The following PID1 variants were observed in gnomAD, a reference collection of about 807,000 sequenced individuals.
PID1 encodes the protein phosphotyrosine interaction domain containing 1.
In PID1, 10 loss-of-function variants were observed where a neutral mutation model predicts 19.1. The ratio of observed to expected loss-of-function variants is 0.52; its 90% confidence interval spans 0.32 to 0.89. The LOEUF (loss-of-function observed/expected upper bound fraction) is 0.89. PID1 is among the 40% of genes least tolerant of loss of function. PID1 has a pLI of 0.03. For synonymous variants in PID1, 130 were observed against 116.0 expected (o/e 1.12, Z -0.78); for missense variants, 248 against 285.3 (o/e 0.87, Z 0.94).
chr2:229,140,634 T>C (rs7565582), intron 2 of PID1, among the ~76,000 whole-genome samples: 66,590 of 151,868 alleles, frequency 0.44, 15,043 homozygotes, highest in South Asian at 0.57. Context: ...CTATCAAAGC[T>C]ATGTGAAATT....
At chr2:229,167,147 A>G (rs1028024917) in intron 1 of PID1, among the ~76,000 whole-genome samples, 1 of 152,142 alleles carries the variant, frequency 6.6e-6, no homozygotes, top group Admixed American at 6.5e-5. Context: ...GAAATTATCA[A>G]AATCTAAAGT....
Position 229,115,572 on chromosome 2 carries a change from C to A in PID1, c.177+40246G>T, listed in dbSNP as rs143827509. Among the ~76,000 whole-genome samples, 959 of 152,250 alleles carry A rather than the reference C, an allele frequency of 6.3e-3. 14 individuals are homozygous for A. Among genetic ancestry groups the A allele is most frequent in the African/African-American group, 0.022 (908 of 41,556 alleles). On this transcript the variant is annotated intron_variant, in intron 2 of 2. Coordinates refer to ENST00000392055, the MANE Select transcript of PID1 (RefSeq NM_001100818.2). ...GAGGAAACACATGGTTTGAATCCCT[C>A]AAGTAGTATTATTTCCTAACCTGTG...
chr2:229,072,951 C>A (rs768281256), intron 2 of PID1, among the ~76,000 whole-genome samples: 1 of 152,196 alleles, frequency 6.6e-6, no homozygotes, highest in Non-Finnish European at 1.5e-5. Flanking sequence ...GATGAACAAA[C>A]CTACTCAGCA....
chr2:229,201,966 C>T (rs994708428), intron 1 of PID1, among the ~76,000 whole-genome samples: 2 of 152,048 alleles, frequency 1.3e-5, no homozygotes, highest in African/African-American at 2.4e-5. Flanking sequence ...AGCCACATTC[C>T]TATGGCTCCC....
At chr2:229,031,170 C>T (rs1325761423) in intron 2 of PID1, among the ~76,000 whole-genome samples, 12 of 138,064 alleles carry the variant, frequency 8.7e-5, no homozygotes, top group Admixed American at 3.1e-4. Context: ...GAGCTGAGAT[C>T]GTGCTACTGC....
rs886489591 is a variant in PID1, at chr2:229,202,315, G to A, written c.31-46351C>T. 8.2e-4 allele frequency among the ~76,000 whole-genome samples: 124 copies of A among 152,144 alleles called. 1 individual carries two copies. Among genetic ancestry groups the A allele is most frequent in the Non-Finnish European group, 1.5e-3 (104 of 67,960 alleles). ...AAGCTATGAATCCAGGGCGGGCATC[G>A]ATTTGCCTTTTATTCACTCCTCTCA... is the stretch of plus-strand genomic sequence containing the variant. On this transcript the variant is annotated intron_variant, in intron 1 of 2. Transcript: ENST00000392055.
chr2:229,090,658 A>G (rs1156451393), intron 2 of PID1, among the ~76,000 whole-genome samples: 1 of 152,222 alleles, frequency 6.6e-6, no homozygotes, highest in Non-Finnish European at 1.5e-5. Flanking sequence ...GTTTTCTGTA[A>G]CAAATCCTAG....
At chr2:229,206,655 A>G (rs928643911) in intron 1 of PID1, among the ~76,000 whole-genome samples, 3 of 152,186 alleles carry the variant, frequency 2.0e-5, no homozygotes, top group Non-Finnish European at 2.9e-5. Context: ...ACTCCACGAA[A>G]GCGACCAACT....
intron 2 of PID1, among the ~76,000 whole-genome samples, chr2:229,044,869 A>C (rs148377345): frequency 1.4e-3 from 210 of 152,350 alleles, no homozygotes; most frequent in African/African-American, 4.8e-3. Context: ...CTAACGAATA[A>C]AAAATAAATT....
At chr2:229,165,762 G>A (rs1292749661) in intron 1 of PID1, among the ~76,000 whole-genome samples, 5 of 152,012 alleles carry the variant, frequency 3.3e-5, no homozygotes, top group East Asian at 1.9e-4. Context: ...AGTGCAATAA[G>A]GCAATAAAAA....
rs554043850 is a variant in PID1 at position 229,165,956 on chromosome 2, T to C, written c.31-9992A>G. The stretch of plus-strand genomic sequence containing the variant: ...ATCAATATACAAAATTCTATTGTTT[T>C]CTATTGTCTAGCAATGAAAAATTAG... On this transcript the variant is annotated intron_variant, in intron 1 of 2. Transcript: ENST00000392055. Among the ~76,000 whole-genome samples the C allele has an allele frequency of 2.6e-5, 4 of 152,340 alleles. No individual in the cohort carries two copies. In the South Asian group the frequency reaches 8.3e-4, roughly 32 times the overall value.
intron 2 of PID1, among the ~76,000 whole-genome samples, chr2:229,147,093 G>A (rs1452783344): frequency 6.6e-6 from 1 of 152,186 alleles, no homozygotes; most frequent in East Asian, 1.9e-4. Flanking sequence ...ATGTGTTTGA[G>A]TAGGTTTACA....
intron 1 of PID1, among the ~76,000 whole-genome samples, chr2:229,188,725 G>C (rs1428405600): frequency 4.6e-5 from 5 of 109,174 alleles, no homozygotes. Context: ...GGCAACAAGA[G>C]CGAAACTCCA....
At chr2:229,175,344 C>T (rs1447802274) in intron 1 of PID1, among the ~76,000 whole-genome samples, 6 of 152,146 alleles carry the variant, frequency 3.9e-5, no homozygotes, top group African/African-American at 1.4e-4. Flanking sequence ...TACCAAGAAA[C>T]CCGAGCAAAC....
chr2:229,262,769 C>CAG (rs1364653994), intron 1 of PID1: 1 of 1,551,436 alleles, frequency 6.4e-7, no homozygotes, highest in African/African-American at 1.4e-5. Flanking sequence ...GTCCTCGACT[C>CAG]TTCTAACATC....
intron 2 of PID1, among the ~76,000 whole-genome samples, chr2:229,127,783 T>C (rs1695653345): frequency 6.6e-6 from 1 of 152,116 alleles, no homozygotes; most frequent in South Asian, 2.1e-4. Flanking sequence ...TAGCTACAGT[T>C]CTAGATCACG....
intron 1 of PID1, among the ~76,000 whole-genome samples, chr2:229,252,572 C>T (rs1484986234): frequency 6.6e-6 from 1 of 152,140 alleles, no homozygotes; most frequent in Non-Finnish European, 1.5e-5. Context: ...CAGCATTGAG[C>T]TTGAGCTATT....
intron 2 of PID1, among the ~76,000 whole-genome samples, chr2:229,063,794 C>T (rs1694264301): frequency 6.6e-6 from 1 of 151,958 alleles, no homozygotes; most frequent in African/African-American, 2.4e-5. Context: ...ACTTTATATA[C>T]TTATATATGA....
intron 1 of PID1, among the ~76,000 whole-genome samples, chr2:229,234,289 G>A (rs1574745770): frequency 6.6e-6 from 1 of 152,186 alleles, no homozygotes; most frequent in Non-Finnish European, 1.5e-5. Flanking sequence ...ATTCCTTAAA[G>A]TATGGGCATT....
Sources: allele counts gnomAD v4.1 joint callset (sites outside exome capture counted in the v4.1 genomes callset), GRCh38; gene constraint gnomAD v4.1.1; transcripts MANE v1.5; gene names NCBI Gene and HGNC (gene_info 2026-07-23, HGNC 2026-07-21).